Variants in EYS observed in about 807,000 individuals in gnomAD.
The protein encoded by EYS is EGF-like photoreceptor maintenance factor.
EYS carries 250 observed loss-of-function variants against 282.1 expected under a neutral mutation model. The observed-to-expected ratio is 0.89, with a 90% confidence interval of 0.80 to 0.98. The LOEUF is 0.98. EYS is among the 50% of genes least tolerant of loss of function. The pLI is 0.00. For missense variants in EYS, 4,016 were observed against 3,709.0 expected, an observed-to-expected ratio of 1.08 and a Z score of -2.15; for synonymous variants, 1,355 against 1,282.9, an observed-to-expected ratio of 1.06 and a Z score of -1.20.
At chr6:65,216,951 C>T (rs1225739873) in intron 12 of EYS, among the ~76,000 whole-genome samples, 1 of 151,826 alleles carries the variant, frequency 6.6e-6, no homozygotes, top group African/African-American at 2.4e-5. Context: ...TTGAATAAGC[C>T]CACATTTAAA....
At chr6:64,671,297 T>A (rs901180960) in intron 22 of EYS, among the ~76,000 whole-genome samples, 4 of 152,000 alleles carry the variant, frequency 2.6e-5, no homozygotes, top group Non-Finnish European at 5.9e-5. Context: ...GGAGCCCTCA[T>A]GAATGAAACA....
intron 22 of EYS, among the ~76,000 whole-genome samples, chr6:64,695,680 G>A (rs1041870010): frequency 1.3e-5 from 2 of 151,450 alleles, no homozygotes; most frequent in East Asian, 1.9e-4. Context: ...CTTCTCCCGG[G>A]TTCAAGTGAT....
At chr6:64,830,414 G>A (rs942939721) in intron 19 of EYS, among the ~76,000 whole-genome samples, 7 of 151,954 alleles carry the variant, frequency 4.6e-5, no homozygotes, top group African/African-American at 1.7e-4. Context: ...AAAAATATGT[G>A]ACATTAAGGT....
chr6:65,394,179 G>C (rs976171096), intron 7 of EYS, among the ~76,000 whole-genome samples: 7 of 151,966 alleles, frequency 4.6e-5, no homozygotes, highest in African/African-American at 1.7e-4. Context: ...GATATGTTGA[G>C]AATATTGGAG....
At chr6:65,134,464 G>A (rs1775966990) in intron 12 of EYS, among the ~76,000 whole-genome samples, 1 of 152,042 alleles carries the variant, frequency 6.6e-6, no homozygotes, top group Admixed American at 6.6e-5. Flanking sequence ...GATACAGCTG[G>A]AGGCCATCAT....
chr6:63,902,698 C>G (rs1301938235), intron 35 of EYS, among the ~76,000 whole-genome samples: 3 of 151,434 alleles, frequency 2.0e-5, no homozygotes. Flanking sequence ...CATTGTAATC[C>G]CTAAAAAACA....
chr6:63,917,765 AC>A (rs557523470), intron 35 of EYS, among the ~76,000 whole-genome samples: 31 of 152,272 alleles, frequency 2.0e-4, no homozygotes, highest in African/African-American at 7.2e-4. Flanking sequence ...GGTAGACAGA[AC>A]CCTGGGGATG....
At chr6:65,393,403 C>A (rs1766136540) in intron 7 of EYS, among the ~76,000 whole-genome samples, 1 of 152,108 alleles carries the variant, frequency 6.6e-6, no homozygotes, top group Admixed American at 6.6e-5. Flanking sequence ...AGATAATTAA[C>A]TCCAAAAGAT....
intron 13 of EYS, among the ~76,000 whole-genome samples, chr6:65,006,323 A>G (rs1464437393): frequency 6.6e-6 from 1 of 152,070 alleles, no homozygotes; most frequent in Non-Finnish European, 1.5e-5. Context: ...GTAATTGATA[A>G]TTGCCACTTT....
intron 22 of EYS, among the ~76,000 whole-genome samples, chr6:64,755,599 G>A (rs1287940175): frequency 6.6e-6 from 1 of 151,494 alleles, no homozygotes; most frequent in Non-Finnish European, 1.5e-5. Flanking sequence ...GCAGCAGCAT[G>A]GATGGAATGG....
intron 2 of EYS, among the ~76,000 whole-genome samples, chr6:65,547,205 T>C (rs1487888443): frequency 6.7e-6 from 1 of 150,190 alleles, no homozygotes; most frequent in Non-Finnish European, 1.5e-5. Context: ...GTTGAGCTCA[T>C]CTAGTATAGC....
intron 2 of EYS, among the ~76,000 whole-genome samples, chr6:65,572,499 G>C (rs1004555165): frequency 6.6e-6 from 1 of 152,032 alleles, no homozygotes; most frequent in Non-Finnish European, 1.5e-5. Context: ...AATCGATGTG[G>C]GGAAGGATAA....
chr6:65,620,955 G>A (rs978451513), intron 2 of EYS, among the ~76,000 whole-genome samples: 14 of 152,154 alleles, frequency 9.2e-5, no homozygotes, highest in Non-Finnish European at 1.6e-4. Flanking sequence ...CATTTGCTGA[G>A]GACAGCTTTA....
intron 12 of EYS, among the ~76,000 whole-genome samples, chr6:65,203,406 T>C (rs764485702): frequency 3.3e-5 from 5 of 152,006 alleles, no homozygotes; most frequent in Admixed American, 2.0e-4. Flanking sequence ...ACACAGCATA[T>C]TGCTACCACA....
intron 5 of EYS, among the ~76,000 whole-genome samples, chr6:65,421,352 T>C (rs1262107667): frequency 6.6e-6 from 1 of 151,864 alleles, no homozygotes; most frequent in Non-Finnish European, 1.5e-5. Flanking sequence ...TTTTCTTCTA[T>C]ACCTTCCTCA....
intron 36 of EYS, among the ~76,000 whole-genome samples, chr6:63,833,908 C>T (rs142414485): frequency 0.012 from 1,886 of 152,156 alleles, 32 homozygotes; most frequent in African/African-American, 0.044. Context: ...TAATACCACA[C>T]GTCCACAACC....
chr6:65,298,471 A>T (rs560449131), intron 11 of EYS, among the ~76,000 whole-genome samples: 68 of 152,010 alleles, frequency 4.5e-4, no homozygotes, highest in African/African-American at 1.6e-3. Context: ...ATATTTCATT[A>T]TATTTCATGT....
intron 11 of EYS, chr6:65,331,679 G>T: frequency 1.0e-6 from 1 of 978,998 alleles, no homozygotes. Flanking sequence ...CAAAACGAAG[G>T]ATAATTTTCT....
intron 30 of EYS, among the ~76,000 whole-genome samples, chr6:64,239,798 C>G (rs1355725352): frequency 6.6e-6 from 1 of 152,034 alleles, no homozygotes; most frequent in African/African-American, 2.4e-5. Flanking sequence ...GTTGCTGTTG[C>G]TTTTGGTGTT....
Sources: gnomAD v4.1 joint callset for allele counts (sites outside exome capture counted in the v4.1 genomes callset) on GRCh38, gnomAD v4.1.1 for gene constraint, MANE v1.5 for transcripts, NCBI Gene and HGNC (gene_info 2026-07-23, HGNC 2026-07-21) for gene names.